Variants in RYK observed in about 807,000 individuals in gnomAD.
The protein encoded by RYK is inactive tyrosine-protein kinase RYK.
Under a neutral mutation model 70.2 loss-of-function variants are expected in RYK, and 21 were observed. That is an observed-to-expected ratio of 0.30 (90% CI 0.21 to 0.43). The LOEUF (loss-of-function observed/expected upper bound fraction) is 0.43, where lower values mean the gene tolerates loss of function less well. RYK is among the 20% of genes least tolerant of loss of function. The probability of loss-of-function intolerance (pLI) is 1.00; values close to 1 mark genes in which losing one functional copy is unlikely to be tolerated. For missense variants in RYK, 604 were observed against 753.3 expected (o/e 0.80, Z 2.32); for synonymous variants, 267 against 278.0 (o/e 0.96, Z 0.39).
chr3:134,188,691 A>G (rs759767872), intron 9 of RYK, 146 bp downstream of exon 9: 1 of 555,994 alleles, frequency 1.8e-6, no homozygotes. Context: ...TTAGGCTCAT[A>G]TAAGACAATT....
chr3:134,169,704 G>A (rs58480012), intron 13 of RYK, among the ~76,000 whole-genome samples: 13,138 of 152,016 alleles, frequency 0.086, 1,171 homozygotes, highest in South Asian at 0.32. Flanking sequence ...TAAATAAATC[G>A]TGTAGAATTT....
At chr3:134,177,880 T>G (rs2013162776) in intron 11 of RYK, 61 bp downstream of exon 11, 1 of 1,424,326 alleles carries the variant, frequency 7.0e-7, no homozygotes, top group Admixed American at 2.0e-5. Flanking sequence ...TAATATCTAC[T>G]TTCAAAGACA....
Position 134,206,739 on chromosome 3 carries a change from C to T in RYK, c.643+733G>A, listed in dbSNP as rs186138992. ...TGTGCCTGAAAATACTCTCCTCCAC[C>T]CCTAACCAACCACAAAAGGAGGGAA... On this transcript the variant is annotated intron_variant, in intron 5 of 14. Transcript: ENST00000623711. Among the ~76,000 whole-genome samples, 7 of 152,122 alleles carry T rather than the reference C, an allele frequency of 4.6e-5. No homozygotes were observed. In the East Asian group the frequency reaches 1.4e-3, roughly 29 times the overall value.
rs751018051 is a variant in RYK at position 134,250,439 on chromosome 3, C to T, written c.216G>A (p.Glu72=). 1.4e-6 allele frequency: 2 copies of T among 1,408,050 alleles called. No individual in the cohort carries two copies. The highest frequency in any genetic ancestry group is 1.5e-5 in the South Asian group (1 of 68,010). The allele number at this position is 1,408,050 out of a possible 1,614,324, so 87.2% of individuals were successfully genotyped here. A position where few individuals can be genotyped will look rare whatever the true frequency, so the allele number is the denominator to read the frequency against. ...CCCACTCACCGATCAGCCGGCGCAC[C>T]TCGTCCTCGCTCAGGTAGAGACTCA... ...PSVSLYLSED[E]VRRLIGLDAE... The change falls in exon 1 of 15, where the codon GAG becomes GAA. Residue 72 remains glutamate (E), a synonymous_variant. Transcript: ENST00000623711.
chr3:134,249,774 G>C (rs1024797726), intron 1 of RYK, among the ~76,000 whole-genome samples: 2 of 152,032 alleles, frequency 1.3e-5, no homozygotes, highest in African/African-American at 2.4e-5. Context: ...AAAAGGTATT[G>C]AAACTAAAAA....
At chr3:134,160,647 G>C (rs1022388276) in intron 13 of RYK, among the ~76,000 whole-genome samples, 2 of 152,162 alleles carry the variant, frequency 1.3e-5, no homozygotes, top group Admixed American at 1.3e-4. Flanking sequence ...CTGAGGTCAG[G>C]AGTTCAAGAT....
intron 13 of RYK, among the ~76,000 whole-genome samples, chr3:134,166,562 G>A (rs1420117427): frequency 6.6e-6 from 1 of 152,194 alleles, no homozygotes; most frequent in Admixed American, 6.5e-5. Context: ...GAAAGACAGA[G>A]GAGCCAACAT....
rs143250657 is a variant in RYK at position 134,234,273 on chromosome 3, G to A, written c.233-11734C>T. 3.2e-3 allele frequency among the ~76,000 whole-genome samples: 488 copies of A among 152,164 alleles called. 2 individuals carry two copies. Among genetic ancestry groups the A allele is most frequent in the African/African-American group, 0.011 (454 of 41,558 alleles). On this transcript the variant is annotated intron_variant, in intron 1 of 14. Transcript: ENST00000623711. ...GCCCTCAAAAATAAAATTCAATTTAGAAAATCACATTTGTAACGACATTAT... is the reference window on the plus strand; with the variant it reads ...GCCCTCAAAAATAAAATTCAATTTAAAAAATCACATTTGTAACGACATTAT...
At chr3:134,191,792 G>A (rs568525826) in intron 8 of RYK, 57 bp downstream of exon 8, 2 of 1,409,392 alleles carry the variant, frequency 1.4e-6, no homozygotes, top group East Asian at 2.4e-5. Context: ...TGAAAAAAGT[G>A]TCTATAGTGG....
Position 134,231,306 on chromosome 3 carries a change from C to T in RYK, c.233-8767G>A, listed in dbSNP as rs4312630. On this transcript the variant is annotated intron_variant, in intron 1 of 14. Coordinates refer to ENST00000623711, the MANE Select transcript of RYK (RefSeq NM_002958.4). ...AATTTTATCTTATCTGTCAAGGAGA[C>T]GGGTGGATATAGCCAATTCCTTCCC... Among the ~76,000 whole-genome samples the T allele has an allele frequency of 4.6e-4, 70 of 151,988 alleles. 1 individual carries two copies. Among genetic ancestry groups the T allele is most frequent in the Non-Finnish European group, 7.9e-4 (54 of 68,008 alleles).
rs140803430 is a variant in RYK, at chr3:134,214,511, C to CA, written c.355-2905dup. ...GCCCTAAAGAAGGCAACATTACTGACAGTCATATTGGCACCTTCAGCTGGT... is the reference window on the plus strand; with the variant it reads ...GCCCTAAAGAAGGCAACATTACTGACAAGTCATATTGGCACCTTCAGCTGGT... On this transcript the variant is annotated intron_variant, in intron 2 of 14. Coordinates refer to ENST00000623711, the MANE Select transcript of RYK (RefSeq NM_002958.4). 4.8e-3 allele frequency among the ~76,000 whole-genome samples: 729 copies of CA among 152,292 alleles called. 8 individuals carry two copies. Among genetic ancestry groups the CA allele is most frequent in the African/African-American group, 0.016 (665 of 41,558 alleles).
chr3:134,188,787 C>T lies in RYK; in HGVS notation c.1102+50G>A, dbSNP rs376271432. 3.4e-5 allele frequency: 38 copies of T among 1,119,562 alleles called. No individual in the cohort carries two copies. The African/African-American group carries it at 3.8e-4, about 11-fold the overall frequency. The allele number at this position is 1,119,562 out of a possible 1,614,324, so 69.4% of individuals were successfully genotyped here. ...GAGACAGAATTTTGCTGGCAGGAGC[C>T]ACCTGAGACAGAAGAGCATCATGGA... is the stretch of plus-strand genomic sequence containing the variant. On this transcript the variant is annotated intron_variant, in intron 9 of 14. Transcript: ENST00000623711.
chr3:134,233,068 T>C (rs1027632165), intron 1 of RYK, among the ~76,000 whole-genome samples: 1 of 152,226 alleles, frequency 6.6e-6, no homozygotes, highest in African/African-American at 2.4e-5. Context: ...GCAACCACAT[T>C]GGCTAAGAAA....
In RYK at chr3:134,183,052, C is replaced by A. The variant is rs1196614791; in HGVS notation, c.1122G>T (p.Gln374His). Residue 374 changes from glutamine to histidine, a missense_variant, in exon 10 of 15, where the codon CAG becomes CAT. By Grantham distance (24) the Gln-to-His change is conservative (BLOSUM62 0). This residue lies in a region of RYK where 466 missense variants were observed against 535.9 expected (regional missense o/e 0.87). Transcript: ENST00000623711. The part of the protein sequence containing the change: ...KTVKDQASEI[Q>H]VTMMLTESCK... ...AACTTTCAGTGAGCATCATTGTCACCTGAATTTCAGAAGCTTGATCTATAT... is the reference window on the plus strand; with the variant it reads ...AACTTTCAGTGAGCATCATTGTCACATGAATTTCAGAAGCTTGATCTATAT... 6.3e-7 allele frequency: 1 copy of A among 1,586,850 alleles called. No individual in the cohort carries two copies. The highest frequency in any genetic ancestry group is 1.7e-5 in the Admixed American group (1 of 57,582).
chr3:134,172,795 A>T (rs2108148742), intron 13 of RYK, among the ~76,000 whole-genome samples: 1 of 152,330 alleles, frequency 6.6e-6, no homozygotes, highest in Non-Finnish European at 1.5e-5. Flanking sequence ...CTGGAAAAAC[A>T]GACCAGGACT....
chr3:134,177,546 C>G (rs1285346809), intron 11 of RYK, among the ~76,000 whole-genome samples: 4 of 152,200 alleles, frequency 2.6e-5, no homozygotes, highest in African/African-American at 9.7e-5. Flanking sequence ...CTCCCACAAT[C>G]TAGACCTCCA....
chr3:134,201,916 A>C (rs2014037673), intron 6 of RYK, among the ~76,000 whole-genome samples: 1 of 152,204 alleles, frequency 6.6e-6, no homozygotes, highest in Non-Finnish European at 1.5e-5. Flanking sequence ...AAATAAACCT[A>C]TCATTCCATC....
chr3:134,179,722 G>A (rs551556859), intron 10 of RYK: 4 of 152,242 alleles, frequency 2.6e-5, no homozygotes, highest in African/African-American at 9.6e-5. Flanking sequence ...ATGACTACAG[G>A]TTTACACTAA....
At chr3:134,216,988 A>G (rs1230533774) in intron 2 of RYK, among the ~76,000 whole-genome samples, 3 of 152,102 alleles carry the variant, frequency 2.0e-5, no homozygotes, top group Admixed American at 2.0e-4. Flanking sequence ...TCAAAATGCA[A>G]TTAACACAAT....
Sources: gnomAD v4.1 joint callset for allele counts (sites outside exome capture counted in the v4.1 genomes callset) on GRCh38, gnomAD v4.1.1 for gene constraint, gnomAD v4.1.1 regional missense constraint, MANE v1.5 for transcripts, NCBI Gene and HGNC (gene_info 2026-07-23, HGNC 2026-07-21) for gene names.